Variants in NHS observed in about 807,000 individuals in gnomAD.
The protein encoded by NHS is actin remodeling regulator NHS.
NHS carries 5 observed loss-of-function variants against 72.5 expected under a neutral mutation model. The observed-to-expected ratio is 0.07, with a 90% CI of 0.04 to 0.14. The LOEUF (loss-of-function observed/expected upper bound fraction) is 0.14. Among genes scored for constraint, NHS ranks in the 10% least tolerant of loss-of-function variants. NHS has a pLI of 1.00. For synonymous variants in NHS, 464 were observed against 547.7 expected (o/e 0.85, Z 2.13); for missense variants, 1,072 against 1,355.7 (o/e 0.79, Z 3.29).
At chrX:17,678,566 T>A (rs923806055) in intron 1 of NHS, among the ~76,000 whole-genome samples, 9 of 110,457 alleles carry the variant, frequency 8.1e-5, no homozygotes, top group African/African-American at 3.0e-4. Context: ...AAGAACCAGA[T>A]CTCATGAGAA....
intron 3 of NHS, among the ~76,000 whole-genome samples, chrX:17,716,962 C>CTT (rs768134707): frequency 8.4e-5 from 8 of 95,483 alleles, no homozygotes; most frequent in Admixed American, 2.3e-4. Flanking sequence ...TCCCCTTACT[C>CTT]TTTTTTTTTT....
intron 1 of NHS, among the ~76,000 whole-genome samples, chrX:17,534,318 G>C (rs776854678): frequency 8.9e-6 from 1 of 111,953 alleles, no homozygotes; most frequent in Non-Finnish European, 1.9e-5. Flanking sequence ...AAGGAGGCCA[G>C]TGTGGTTAGC....
chrX:17,601,711 A>T (rs1367886040), intron 1 of NHS, among the ~76,000 whole-genome samples: 1 of 112,034 alleles, frequency 8.9e-6, no homozygotes, highest in Non-Finnish European at 1.9e-5. Context: ...AAGTGGCTTA[A>T]GGAGCACAGT....
rs185324378 is a variant in NHS at position 17,649,513 on chromosome X, A to G, written c.566-38229A>G. Reference sequence around the variant, plus strand: ...TTAATCTTCTCCTCTGATGCATTCTATAGGGCTCCATTTTGGCTAAATCAT... The same window carrying G: ...TTAATCTTCTCCTCTGATGCATTCTGTAGGGCTCCATTTTGGCTAAATCAT... On this transcript the variant is annotated intron_variant, in intron 1 of 8. Transcript: ENST00000676302. Among the ~76,000 whole-genome samples, 241 of 111,565 alleles carry G rather than the reference A, an allele frequency of 2.2e-3. 1 individual carries two copies. The Middle Eastern group carries it at 0.028, about 13-fold the overall frequency.
intron 1 of NHS, among the ~76,000 whole-genome samples, chrX:17,633,158 G>A (rs1193839578): frequency 9.0e-6 from 1 of 111,459 alleles, no homozygotes; most frequent in Non-Finnish European, 1.9e-5. Context: ...AAACAAGAAT[G>A]AGTAATAATC....
chrX:17,533,999 T>C (rs2065210918), intron 1 of NHS, among the ~76,000 whole-genome samples: 1 of 112,975 alleles, frequency 8.9e-6, no homozygotes. Flanking sequence ...AGGGAGTCTA[T>C]AAGTGTGATA....
At chrX:17,603,426 C>G (rs1019731253) in intron 1 of NHS, among the ~76,000 whole-genome samples, 1 of 111,873 alleles carries the variant, frequency 8.9e-6, no homozygotes, top group Non-Finnish European at 1.9e-5. Flanking sequence ...TAGTCTCAGA[C>G]GAAACATACT....
intron 1 of NHS, among the ~76,000 whole-genome samples, chrX:17,406,686 C>T (rs988518779): frequency 8.9e-6 from 1 of 112,080 alleles, no homozygotes; most frequent in East Asian, 2.8e-4. Context: ...TGTGTGTGCG[C>T]TTGCTAGGAC....
At chrX:17,700,579 A>G (rs762130265) in intron 3 of NHS, among the ~76,000 whole-genome samples, 2 of 112,504 alleles carry the variant, frequency 1.8e-5, no homozygotes, top group Non-Finnish European at 3.8e-5. Flanking sequence ...ACTCTCATAC[A>G]TTGCTGGTGG....
intron 1 of NHS, among the ~76,000 whole-genome samples, chrX:17,412,708 A>G (rs2064566737): frequency 8.9e-6 from 1 of 112,760 alleles, no homozygotes; most frequent in Non-Finnish European, 1.9e-5. Flanking sequence ...TCACTTTCCA[A>G]TAATCTGAAA....
chrX:17,727,251 G>C lies in NHS; in HGVS notation c.3145G>C (p.Gly1049Arg). The change falls in exon 7 of 9, where the codon GGT (glycine) becomes CGT (arginine). Residue 1049 changes from glycine to arginine, a missense_variant. Gly to Arg is a moderately radical substitution (Grantham distance 125). Coordinates refer to ENST00000676302, the MANE Select transcript of NHS (RefSeq NM_001291867.2). ...CTTTTCAGGTCCATTGTCTCCCGGA[G>C]GTAGCAAAAGAAAACCTAAAGTCCC... Reference protein sequence around the residue: ...AFFSGPLSPGGSKRKPKVPER... With the variant: ...AFFSGPLSPGRSKRKPKVPER... The C allele has an allele frequency of 8.3e-7, 1 of 1,211,236 alleles. No individual in the cohort carries two copies. Among genetic ancestry groups the C allele is most frequent in the Non-Finnish European group, 1.1e-6 (1 of 895,057 alleles).
intron 3 of NHS, among the ~76,000 whole-genome samples, chrX:17,706,711 C>T (rs7062071): frequency 0.28 from 31,510 of 111,112 alleles, 8,352 homozygotes; most frequent in African/African-American, 0.83. Flanking sequence ...AAAGCTGTCA[C>T]GGTATTGAGC....
chrX:17,491,471 A>C (rs1451946454), intron 1 of NHS, among the ~76,000 whole-genome samples: 2 of 111,662 alleles, frequency 1.8e-5, no homozygotes, highest in Non-Finnish European at 3.8e-5. Flanking sequence ...GGATGAAGCT[A>C]ACTTGATCGT....
intron 1 of NHS, among the ~76,000 whole-genome samples, chrX:17,488,998 G>A (rs1299639964): frequency 9.0e-6 from 1 of 111,060 alleles, no homozygotes; most frequent in East Asian, 2.8e-4. Context: ...GTGTTCATGT[G>A]TTCTCATTGT....
intron 1 of NHS, among the ~76,000 whole-genome samples, chrX:17,430,566 G>A (rs1226259561): frequency 9.1e-6 from 1 of 109,687 alleles, no homozygotes; most frequent in Non-Finnish European, 1.9e-5. Context: ...GTACAGTTTA[G>A]TGGTTTTTAG....
chrX:17,408,397 T>C (rs2064539764), intron 1 of NHS, among the ~76,000 whole-genome samples: 1 of 111,818 alleles, frequency 8.9e-6, no homozygotes, highest in Non-Finnish European at 1.9e-5. Flanking sequence ...TAATAGCACA[T>C]GGTGGGTGCT....
intron 1 of NHS, among the ~76,000 whole-genome samples, chrX:17,535,239 G>T (rs1337042275): frequency 1.8e-5 from 2 of 111,813 alleles, no homozygotes; most frequent in Non-Finnish European, 3.8e-5. Context: ...TCTATAAAAT[G>T]ATGGTCACAG....
chrX:17,635,609 G>T (rs2065842230), intron 1 of NHS: 2 of 1,164,399 alleles, frequency 1.7e-6, no homozygotes, highest in Non-Finnish European at 2.3e-6. Context: ...AGGTATTTGG[G>T]GTTTGCAGCA....
intron 1 of NHS, among the ~76,000 whole-genome samples, chrX:17,550,177 G>A (rs73636654): frequency 0.067 from 7,455 of 111,860 alleles, 612 homozygotes; most frequent in African/African-American, 0.23. Context: ...CTGGCTTTGC[G>A]AGGCAGAAAG....
Sources: allele counts gnomAD v4.1 joint callset (sites outside exome capture counted in the v4.1 genomes callset), GRCh38; gene constraint gnomAD v4.1.1; transcripts MANE v1.5; gene names NCBI Gene and HGNC (gene_info 2026-07-23, HGNC 2026-07-21).